CALCR: variants seen among roughly 807,000 people sequenced by gnomAD.
CALCR encodes the protein calcitonin receptor.
A neutral mutation model predicts 59.5 loss-of-function variants in CALCR; 47 were observed. That is an observed-to-expected ratio of 0.79 (90% CI 0.63 to 1.01). The LOEUF is 1.01. Among genes scored for constraint, CALCR ranks in the 50% least tolerant of loss-of-function variants. CALCR has a pLI of 0.00. For missense variants in CALCR, 566 were observed against 597.1 expected (o/e 0.95, Z 0.54); for synonymous variants, 213 against 211.3 (o/e 1.01, Z -0.07).
intron 2 of CALCR, among the ~76,000 whole-genome samples, chr7:93,536,005 T>C (rs1788974483): frequency 6.6e-6 from 1 of 151,860 alleles, no homozygotes; most frequent in African/African-American, 2.4e-5. Context: ...AATAACTTTA[T>C]GTATTTATTT....
intron 3 of CALCR, among the ~76,000 whole-genome samples, chr7:93,481,587 A>C (rs1224275386): frequency 6.6e-6 from 1 of 151,808 alleles, no homozygotes; most frequent in Non-Finnish European, 1.5e-5. Context: ...CTTGGTAAGT[A>C]AGTCCTATTT....
At position 93,472,539 on chromosome 7, in the gene CALCR, G is replaced by A. The variant is rs770188236; in HGVS notation, c.317-52C>T. On this transcript the variant is annotated intron_variant, in intron 5 of 13. Coordinates refer to ENST00000426151, the MANE Select transcript of CALCR (RefSeq NM_001742.4). ...CATTAATATCTCAAAATCCCAACAA[G>A]GAAAAATAATAAATTAAAGCTTAAA... 13 of 1,046,010 alleles carry A rather than the reference G, an allele frequency of 1.2e-5. No homozygotes were observed. The Middle Eastern group carries it at 1.5e-3, about 122-fold the overall frequency. 64.8% of individuals were successfully genotyped at this position (1,046,010 alleles called of 1,614,324 possible).
chr7:93,487,204 T>C (rs1005779195), intron 2 of CALCR, among the ~76,000 whole-genome samples, 197 bp from the exon 3 acceptor site: 3 of 151,330 alleles, frequency 2.0e-5, no homozygotes, highest in Non-Finnish European at 3.0e-5. Flanking sequence ...GTCAACTAGA[T>C]TGTTATACCT....
At chr7:93,544,609 T>G (rs994579922) in intron 2 of CALCR, among the ~76,000 whole-genome samples, 1 of 152,176 alleles carries the variant, frequency 6.6e-6, no homozygotes, top group African/African-American at 2.4e-5. Flanking sequence ...GATTTTAGTT[T>G]TTCACTGTGT....
chr7:93,504,177 T>C (rs931349218), intron 2 of CALCR, among the ~76,000 whole-genome samples: 2 of 152,220 alleles, frequency 1.3e-5, no homozygotes, highest in Non-Finnish European at 1.5e-5. Flanking sequence ...TTCAGTGATA[T>C]TATAGAAAAT....
At chr7:93,443,946 A>G (rs1219656611) in intron 8 of CALCR, among the ~76,000 whole-genome samples, 189 bp from the exon 9 acceptor site, 2 of 152,156 alleles carry the variant, frequency 1.3e-5, no homozygotes, top group African/African-American at 4.8e-5. Flanking sequence ...CTGCTATTAC[A>G]TGTAAATAGC....
chr7:93,564,815 C>G (rs527431259), intron 2 of CALCR, among the ~76,000 whole-genome samples: 1 of 151,808 alleles, frequency 6.6e-6, no homozygotes, highest in Non-Finnish European at 1.5e-5. Context: ...TTGCAGAAAG[C>G]AGGCGTTGTA....
intron 2 of CALCR, among the ~76,000 whole-genome samples, chr7:93,524,270 C>T (rs573428981): frequency 1.3e-5 from 2 of 151,098 alleles, no homozygotes; most frequent in South Asian, 4.2e-4. Context: ...CCCTGGTTCA[C>T]GCCATTCTCC....
At chr7:93,534,287 A>G (rs546258189) in intron 2 of CALCR, among the ~76,000 whole-genome samples, 42 of 151,964 alleles carry the variant, frequency 2.8e-4, no homozygotes, top group African/African-American at 8.7e-4. Context: ...AAAAGTAGAA[A>G]GTAAAGCTGA....
intron 11 of CALCR, among the ~76,000 whole-genome samples, chr7:93,436,406 C>A (rs1482675505): frequency 2.6e-5 from 4 of 152,100 alleles, no homozygotes; most frequent in African/African-American, 9.7e-5. Flanking sequence ...ATCACCCTTG[C>A]CAACACTTGG....
At chr7:93,468,205 A>G (rs933103016) in intron 7 of CALCR, among the ~76,000 whole-genome samples, 21 of 151,856 alleles carry the variant, frequency 1.4e-4, no homozygotes, top group African/African-American at 5.1e-4. Flanking sequence ...ATTGTGCACC[A>G]TAAAACCTAA....
chr7:93,452,782 A>C (rs1800135831), intron 8 of CALCR, among the ~76,000 whole-genome samples: 2 of 151,940 alleles, frequency 1.3e-5, no homozygotes, highest in South Asian at 4.1e-4. Context: ...TTAAGAAGAC[A>C]ATACCAGGGC....
intron 8 of CALCR, 83 bp downstream of exon 8, chr7:93,460,738 G>A (rs1800315870): frequency 2.8e-6 from 3 of 1,068,686 alleles, no homozygotes; most frequent in Non-Finnish European, 2.6e-6. Flanking sequence ...AGCTGCTTAA[G>A]TCCAACATGA....
intron 2 of CALCR, among the ~76,000 whole-genome samples, chr7:93,564,375 T>C (rs1057307014): frequency 3.3e-5 from 5 of 152,134 alleles, no homozygotes; most frequent in African/African-American, 9.7e-5. Flanking sequence ...TGCTTAAGTT[T>C]AGTATAAAGC....
chr7:93,494,888 A>G (rs1023278488), intron 2 of CALCR, among the ~76,000 whole-genome samples: 1 of 151,418 alleles, frequency 6.6e-6, no homozygotes, highest in African/African-American at 2.4e-5. Context: ...AGTTAATGAG[A>G]GTGATAACTG....
intron 2 of CALCR, among the ~76,000 whole-genome samples, chr7:93,504,224 G>C (rs1420463950): frequency 2.6e-5 from 4 of 152,014 alleles, no homozygotes; most frequent in Non-Finnish European, 4.4e-5. Flanking sequence ...ATTGTTGTTT[G>C]GCTTCTTTGG....
intron 2 of CALCR, among the ~76,000 whole-genome samples, chr7:93,555,063 A>G (rs1471771401): frequency 1.3e-5 from 2 of 152,042 alleles, no homozygotes; most frequent in African/African-American, 4.8e-5. Flanking sequence ...CTGAGGGGAC[A>G]GGCGATGCTG....
rs750500288 is a variant in CALCR, at chr7:93,426,533, A to T, written c.1248T>A (p.Arg416=). The T allele has an allele frequency of 1.2e-6, 2 of 1,612,776 alleles. No homozygotes were observed. The highest frequency in any genetic ancestry group is 4.5e-5 in the East Asian group (2 of 44,792). Residue 416 remains arginine (R), a synonymous_variant, in exon 14 of 14, where the codon CGT becomes CGA. Coordinates refer to ENST00000426151, the MANE Select transcript of CALCR (RefSeq NM_001742.4). The part of the protein sequence containing the change: ...WAQFKIQWNQ[R]WGRRPSNRSA... ...AGCGGTTGGAGGGGCGCCTCCCCCA[A>T]CGCTGGTTCCACTGAATTTTGAATT...
chr7:93,543,469 C>T (rs1789200348), intron 2 of CALCR, among the ~76,000 whole-genome samples: 1 of 152,050 alleles, frequency 6.6e-6, no homozygotes, highest in African/African-American at 2.4e-5. Context: ...TTTTATACAA[C>T]TGGCAGTGCA....
Sources: gnomAD v4.1 joint callset for allele counts (sites outside exome capture counted in the v4.1 genomes callset) on GRCh38, gnomAD v4.1.1 for gene constraint, MANE v1.5 for transcripts, NCBI Gene and HGNC (gene_info 2026-07-23, HGNC 2026-07-21) for gene names.